The following KPNA1 variants were observed in gnomAD, a reference collection of about 807,000 sequenced individuals.
KPNA1 encodes the protein importin subunit alpha-5.
In KPNA1, 10 loss-of-function variants were observed where a neutral mutation model predicts 70.5. The ratio of observed to expected loss-of-function variants is 0.14; its 90% CI spans 0.09 to 0.24. The LOEUF (loss-of-function observed/expected upper bound fraction) is 0.24. Among genes scored for constraint, KPNA1 ranks in the 10% least tolerant of loss-of-function variants. KPNA1 has a pLI of 1.00. For missense variants in KPNA1, 397 were observed against 637.9 expected (o/e 0.62, Z 4.07); for synonymous variants, 192 against 221.9 (o/e 0.87, Z 1.20).
chr3:122,494,186 T>C (rs938591016), intron 2 of KPNA1, among the ~76,000 whole-genome samples: 2 of 152,192 alleles, frequency 1.3e-5, no homozygotes, highest in African/African-American at 4.8e-5. Context: ...TGTTTCCTTT[T>C]GAGGACTTAC....
Position 122,449,611 on chromosome 3 carries a change from C to A in KPNA1, c.880G>T (p.Asp294Tyr). The A allele has an allele frequency of 6.2e-7, 1 of 1,613,844 alleles. No individual in the cohort carries two copies. The highest frequency in any genetic ancestry group is 8.5e-7 in the Non-Finnish European group (1 of 1,179,858). ...ACAAGTCTCCTACATACTCCCGCAT[C>A]GATGACCGCTTGAATTTTATCATTG... is the stretch of plus-strand genomic sequence containing the variant. ...GPNDKIQAVIDAGVCRRLVEL... is the reference protein window; with the variant it reads ...GPNDKIQAVIYAGVCRRLVEL... The change falls in exon 9 of 14, where the codon GAT (aspartate) becomes TAT (tyrosine). Residue 294 changes from aspartate (D) to tyrosine (Y), a missense_variant. Coordinates refer to ENST00000344337, the MANE Select transcript of KPNA1 (RefSeq NM_002264.4).
chr3:122,482,142 A>C (rs1008638880), intron 2 of KPNA1, among the ~76,000 whole-genome samples: 2 of 152,282 alleles, frequency 1.3e-5, no homozygotes, highest in African/African-American at 4.8e-5. Context: ...ACCTAGATGG[A>C]ATAGCTACTA....
intron 2 of KPNA1, among the ~76,000 whole-genome samples, chr3:122,491,893 G>A (rs894819582): frequency 3.6e-4 from 39 of 106,916 alleles, no homozygotes; most frequent in African/African-American, 1.1e-3. Flanking sequence ...ACGGAGTTTC[G>A]CTCTGTCGCC....
intron 10 of KPNA1, among the ~76,000 whole-genome samples, chr3:122,441,364 G>A (rs1279628505): frequency 6.7e-6 from 1 of 149,842 alleles, no homozygotes; most frequent in African/African-American, 2.4e-5. Flanking sequence ...TCACACAGGG[G>A]ACTTACCATG....
Position 122,427,576 on chromosome 3 carries a change from C to G in KPNA1, c.1391G>C (p.Gly464Ala). ...GEQEAKRNGT[G>A]INPYCALIEE... is the part of the protein sequence containing the mutation. The stretch of plus-strand genomic sequence containing the variant: ...AATCAAAGCACAGTAAGGGTTAATG[C>G]CAGTGCCATTCCTTTTGGCTTCCTG... The change falls in exon 13 of 14, where the codon GGC becomes GCC. Residue 464 changes from glycine (G) to alanine (A), a missense_variant. Transcript: ENST00000344337. 6.2e-7 allele frequency: 1 copy of G among 1,613,954 alleles called. No individual in the cohort carries two copies. Among genetic ancestry groups the G allele is most frequent in the Non-Finnish European group, 8.5e-7 (1 of 1,179,954 alleles).
chr3:122,514,471 G>C (rs1395360710), intron 1 of KPNA1: 1 of 144,530 alleles, frequency 6.9e-6, no homozygotes, highest in Non-Finnish European at 1.5e-5. Flanking sequence ...TTACAGCCCC[G>C]CCGCCGCGCC....
At chr3:122,461,200 G>A (rs1489381293) in intron 5 of KPNA1, 24 bp downstream of exon 5, 13 of 1,422,932 alleles carry the variant, frequency 9.1e-6, no homozygotes, top group Non-Finnish European at 1.2e-5. Flanking sequence ...AAGTTATGAG[G>A]CAATAAATAA....
intron 2 of KPNA1, among the ~76,000 whole-genome samples, chr3:122,476,875 A>AG (rs1167675452): frequency 6.6e-6 from 1 of 150,444 alleles, no homozygotes; most frequent in Non-Finnish European, 1.5e-5. Flanking sequence ...AAAAAAAAAA[A>AG]AAAAAAAAAC....
At chr3:122,451,127 T>C (rs1450886303) in intron 8 of KPNA1, among the ~76,000 whole-genome samples, 1 of 151,464 alleles carries the variant, frequency 6.6e-6, no homozygotes, top group Non-Finnish European at 1.5e-5. Flanking sequence ...CACCACCTGT[T>C]CCCCAAAAAC....
intron 11 of KPNA1, among the ~76,000 whole-genome samples, chr3:122,436,358 G>A (rs994732290): frequency 5.9e-5 from 9 of 152,162 alleles, no homozygotes; most frequent in Non-Finnish European, 8.8e-5. Context: ...ATTGCCTTGT[G>A]AAGTATGTGA....
At chr3:122,444,280 G>A (rs1286162784) in intron 9 of KPNA1, among the ~76,000 whole-genome samples, 1 of 152,150 alleles carries the variant, frequency 6.6e-6, no homozygotes, top group Non-Finnish European at 1.5e-5. Context: ...ATTTCATACT[G>A]TTCAAACACA....
chr3:122,472,980 C>G (rs1576320257), intron 2 of KPNA1, among the ~76,000 whole-genome samples: 1 of 152,210 alleles, frequency 6.6e-6, no homozygotes, highest in African/African-American at 2.4e-5. Flanking sequence ...ACTCAGGAGG[C>G]TGAGGCACCA....
chr3:122,482,022 A>C (rs988037116), intron 2 of KPNA1, among the ~76,000 whole-genome samples: 1 of 152,248 alleles, frequency 6.6e-6, no homozygotes, highest in Non-Finnish European at 1.5e-5. Context: ...AAAAAGAGAG[A>C]GAACTTCCTT....
intron 2 of KPNA1, among the ~76,000 whole-genome samples, chr3:122,478,452 T>C (rs1335297983): frequency 6.6e-6 from 1 of 151,972 alleles, no homozygotes; most frequent in Admixed American, 6.6e-5. Context: ...TGAAACCCCA[T>C]CTCTATTAAT....
At position 122,449,654 on chromosome 3, in the gene KPNA1, T is replaced by C. The variant is rs2076177761; in HGVS notation, c.837A>G (p.Ser279=). The change falls in exon 9 of 14, where the codon TCA becomes TCG. Residue 279 remains serine, a synonymous_variant. Transcript: ENST00000344337. ...DVLADACWAL[S]YLSDGPNDKI... ...TATCATTGGGTCCATCTGATAGATA[T>C]GAGAGGGCCCAGCAGGCATCAGCCA... is the stretch of plus-strand genomic sequence containing the variant. The C allele has an allele frequency of 6.2e-7, 1 of 1,613,892 alleles. No individual in the cohort carries two copies. The highest frequency in any genetic ancestry group is 8.5e-7 in the Non-Finnish European group (1 of 1,179,856).
Position 122,426,858 on chromosome 3 carries a change from G to A in KPNA1, c.*127C>T. The A allele has an allele frequency of 1.4e-6, 1 of 695,650 alleles. No individual in the cohort carries two copies. The highest frequency in any genetic ancestry group is 2.2e-5 in the South Asian group (1 of 46,348). The allele number at this position is 695,650 out of a possible 1,614,324, so 43.1% of individuals were successfully genotyped here. A position where few individuals can be genotyped will look rare whatever the true frequency, so the allele number is the denominator to read the frequency against. ...GTAAGAGAGCAGGTGCGCAAGGCAA[G>A]CAAATGAGCGCAAACAGTATTATGG... On this transcript the variant is annotated 3_prime_UTR_variant, in exon 14 of 14. Transcript: ENST00000344337.
At chr3:122,437,109 A>G in intron 11 of KPNA1, 61 bp downstream of exon 11, 26 of 1,560,870 alleles carry the variant, frequency 1.7e-5, no homozygotes, top group Non-Finnish European at 2.3e-5. Flanking sequence ...AGGGTGACTG[A>G]GAAAAAAACC....
chr3:122,423,516 T>C lies in KPNA1; in HGVS notation c.*3469A>G, dbSNP rs1206143644. ...AAAACCATCAACCCCTAAAAAGTTA[T>C]AATGATTTGCCTATTGATATAAAAA... On this transcript the variant is annotated 3_prime_UTR_variant, in exon 14 of 14. Transcript: ENST00000344337. 1.3e-5 allele frequency: 2 copies of C among 152,568 alleles called. No homozygotes were observed. Among genetic ancestry groups the C allele is most frequent in the East Asian group, 1.9e-4 (1 of 5,192 alleles). The allele number at this position is 152,568 out of a possible 1,614,324, so 9.5% of individuals were successfully genotyped here. A position where few individuals can be genotyped will look rare whatever the true frequency, so the allele number is the denominator to read the frequency against.
At chr3:122,500,178 G>T (rs1188996620) in intron 1 of KPNA1, among the ~76,000 whole-genome samples, 1 of 151,538 alleles carries the variant, frequency 6.6e-6, no homozygotes, top group Non-Finnish European at 1.5e-5. Flanking sequence ...CTGGAGTGCA[G>T]TGGCGTAATC....
Sources: allele counts gnomAD v4.1 joint callset (sites outside exome capture counted in the v4.1 genomes callset), GRCh38; gene constraint gnomAD v4.1.1; transcripts MANE v1.5; gene names NCBI Gene and HGNC (gene_info 2026-07-23, HGNC 2026-07-21).